The following C2CD3 variants were observed in gnomAD, a reference collection of about 807,000 sequenced individuals.
C2CD3 encodes C2 domain containing 3 centriole elongation regulator.
A neutral mutation model predicts 234.0 loss-of-function variants in C2CD3; 148 were observed. The observed-to-expected ratio is 0.63, with a 90% confidence interval of 0.55 to 0.72. The LOEUF is 0.72. Among genes scored for constraint, C2CD3 ranks in the 30% least tolerant of loss-of-function variants. The pLI is 0.00. For missense variants in C2CD3, 2,577 were observed against 2,811.5 expected (o/e 0.92, Z 1.89); for synonymous variants, 1,000 against 1,035.4 (o/e 0.97, Z 0.66).
intron 9 of C2CD3, among the ~76,000 whole-genome samples, chr11:74,115,452 C>T (rs1165889510): frequency 6.6e-6 from 1 of 152,036 alleles, no homozygotes; most frequent in African/African-American, 2.4e-5. Context: ...CAGTTGTGAT[C>T]ACAGTACACA....
chr11:74,087,526 T>G (rs1481825518), intron 20 of C2CD3, among the ~76,000 whole-genome samples: 2 of 150,662 alleles, frequency 1.3e-5, no homozygotes, highest in African/African-American at 4.9e-5. Context: ...ATCGCACCAG[T>G]GCACTCTAGC....
chr11:74,049,219 G>T, intron 27 of C2CD3, 118 bp downstream of exon 27: 1 of 803,030 alleles, frequency 1.2e-6, no homozygotes, highest in Non-Finnish European at 2.0e-6. Flanking sequence ...AGGTTGTTAT[G>T]AGACACATAT....
At chr11:74,066,179 G>C (rs1241203693) in intron 24 of C2CD3, among the ~76,000 whole-genome samples, 1 of 145,192 alleles carries the variant, frequency 6.9e-6, no homozygotes, top group Non-Finnish European at 1.5e-5. Flanking sequence ...CCATCATTCT[G>C]AGCAAACTAT....
At chr11:74,125,471 G>C (rs944288266) in intron 7 of C2CD3, among the ~76,000 whole-genome samples, 1 of 152,094 alleles carries the variant, frequency 6.6e-6, no homozygotes, top group Non-Finnish European at 1.5e-5. Context: ...ATATTTTGAA[G>C]TGACACATTA....
At chr11:74,060,253 A>G (rs1954169358) in intron 24 of C2CD3, among the ~76,000 whole-genome samples, 1 of 152,260 alleles carries the variant, frequency 6.6e-6, no homozygotes, top group Admixed American at 6.5e-5. Flanking sequence ...CCTGTCTGAC[A>G]GCTTTGAAGA....
At position 74,168,537 on chromosome 11, in the gene C2CD3, A is replaced by G. The variant is rs1590991491; in HGVS notation, c.132T>C (p.Thr44=). ...CAATCTTCCATATGACTCTATTAAC[A>G]GTAAGTTTTAGAAAACAGCGTAGCT... ...EGQLRCFLKL[T]VNRVIWKIAK... The change falls in exon 2 of 33, where the codon ACT becomes ACC. Residue 44 remains threonine (T), a synonymous_variant. Coordinates refer to ENST00000334126, the MANE Select transcript of C2CD3 (RefSeq NM_001286577.2). 6.2e-7 allele frequency: 1 copy of G among 1,614,122 alleles called. No homozygotes were observed. The highest frequency in any genetic ancestry group is 8.5e-7 in the Non-Finnish European group (1 of 1,179,918).
intron 2 of C2CD3, among the ~76,000 whole-genome samples, chr11:74,165,619 A>C (rs950305643): frequency 1.3e-5 from 2 of 152,166 alleles, no homozygotes; most frequent in Admixed American, 6.5e-5. Flanking sequence ...ACTTTTGTGA[A>C]CTAATATTTG....
intron 15 of C2CD3, among the ~76,000 whole-genome samples, chr11:74,099,342 T>A (rs1410044334): frequency 6.6e-6 from 1 of 152,186 alleles, no homozygotes; most frequent in Non-Finnish European, 1.5e-5. Context: ...ACTATCACCC[T>A]CATTTTACAG....
At chr11:74,099,655 G>A (rs557599648) in intron 15 of C2CD3, among the ~76,000 whole-genome samples, 5 of 152,292 alleles carry the variant, frequency 3.3e-5, no homozygotes, top group Admixed American at 1.3e-4. Context: ...CCATAACTTT[G>A]GGAGGCTGAG....
intron 5 of C2CD3, 84 bp from the exon 6 acceptor site, chr11:74,133,641 AG>A (rs1957753776): frequency 2.4e-5 from 34 of 1,409,960 alleles, no homozygotes; most frequent in Middle Eastern, 1.8e-4. Context: ...CTTCTATCAG[AG>A]GACTCACTAG....
chr11:74,049,813 C>T (rs1188964908), intron 26 of C2CD3, among the ~76,000 whole-genome samples: 1 of 152,158 alleles, frequency 6.6e-6, no homozygotes, highest in Non-Finnish European at 1.5e-5. Flanking sequence ...TGGGGTCTCA[C>T]TCTGATGTCT....
At chr11:74,150,394 A>T (rs1462528187) in intron 3 of C2CD3, among the ~76,000 whole-genome samples, 1 of 149,530 alleles carries the variant, frequency 6.7e-6, no homozygotes. Context: ...AGGCTGAGGC[A>T]GGAGAATCAC....
At chr11:74,132,419 TA>T (rs1324887089) in intron 7 of C2CD3, among the ~76,000 whole-genome samples, 10 of 152,218 alleles carry the variant, frequency 6.6e-5, no homozygotes, top group African/African-American at 2.4e-4. Flanking sequence ...CTCCTCTATA[TA>T]CATCATTTTT....
In C2CD3 at chr11:74,161,687, T is replaced by C. The variant is rs1856481715; in HGVS notation, c.326-131A>G. The C allele has an allele frequency of 2.3e-5, 11 of 484,586 alleles. No individual in the cohort carries two copies. In the Middle Eastern group the frequency reaches 3.0e-3, roughly 132 times the overall value. 30.0% of individuals were successfully genotyped at this position (484,586 alleles called of 1,614,324 possible). ...AAATATTTTATGTTGGATAACACCA[T>C]TGCATTGGTGAAAGTGAGGGGAATT... On this transcript the variant is annotated intron_variant, in intron 2 of 32. Transcript: ENST00000334126.
intron 24 of C2CD3, among the ~76,000 whole-genome samples, chr11:74,073,660 T>A (rs1398329227): frequency 6.6e-6 from 1 of 151,974 alleles, no homozygotes; most frequent in Non-Finnish European, 1.5e-5. Flanking sequence ...AAATCATAGT[T>A]ATAAGTGATA....
At chr11:74,034,679 T>C in intron 30 of C2CD3, 1 of 1,267,612 alleles carries the variant, frequency 7.9e-7, no homozygotes, top group East Asian at 2.3e-5. Flanking sequence ...CTACCTATTT[T>C]ACTTCGAAAA....
At chr11:74,127,454 G>T in intron 7 of C2CD3, among the ~76,000 whole-genome samples, 1 of 151,156 alleles carries the variant, frequency 6.6e-6, no homozygotes, top group Admixed American at 6.6e-5. Context: ...CATTTAGGTT[G>T]TTTCAATATT....
chr11:74,154,781 G>T (rs893999442), intron 3 of C2CD3, among the ~76,000 whole-genome samples: 2 of 152,080 alleles, frequency 1.3e-5, no homozygotes, highest in Non-Finnish European at 2.9e-5. Flanking sequence ...TGGCTTGGGG[G>T]TTGCAGTCTG....
chr11:74,033,380 T>C lies in C2CD3; in HGVS notation c.6780A>G (p.Ser2260=). The C allele has an allele frequency of 1.3e-6, 2 of 1,536,154 alleles. No individual in the cohort carries two copies. The highest frequency in any genetic ancestry group is 1.7e-6 in the Non-Finnish European group (2 of 1,146,888). ...DIRQRQVTTG[S]ETSTKQSLLL... The stretch of plus-strand genomic sequence containing the variant: ...GGAGGCTCTGCTTTGTGGACGTCTC[T>C]GATCCAGTTGTCACCTGCCTCTGCC... The change falls in exon 31 of 33, where the codon TCA becomes TCG. Residue 2260 remains serine, a synonymous_variant. Transcript: ENST00000334126.
Sources: gnomAD v4.1 joint callset for allele counts (sites outside exome capture counted in the v4.1 genomes callset) on GRCh38, gnomAD v4.1.1 for gene constraint, MANE v1.5 for transcripts, NCBI Gene and HGNC (gene_info 2026-07-23, HGNC 2026-07-21) for gene names.